PHC2: variants seen among roughly 807,000 people sequenced by gnomAD.
The protein encoded by PHC2 is polyhomeotic-like protein 2.
In PHC2, 29 loss-of-function variants were observed where a neutral mutation model predicts 87.4. The ratio of observed to expected loss-of-function variants is 0.33; its 90% CI spans 0.25 to 0.45. PHC2 has a LOEUF of 0.45. Among genes scored for constraint, PHC2 ranks in the 20% least tolerant of loss-of-function variants. The pLI, the probability that PHC2 is intolerant of heterozygous loss-of-function variation, is 1.00. For missense variants in PHC2, 857 were observed against 1,136.7 expected, an observed-to-expected ratio of 0.75 and a Z score of 3.54; for synonymous variants, 438 against 461.7, an observed-to-expected ratio of 0.95 and a Z score of 0.66.
Position 33,431,081 on chromosome 1 carries a change from A to G in PHC2, c.-160T>C, listed in dbSNP as rs932570509. The G allele has an allele frequency of 6.6e-5, 10 of 151,928 alleles. No individual in the cohort carries two copies. The highest frequency in any genetic ancestry group is 9.7e-5 in the African/African-American group (4 of 41,404). 9.4% of individuals were successfully genotyped at this position (151,928 alleles called of 1,614,324 possible). On this transcript the variant is annotated 5_prime_UTR_variant, in exon 1 of 15. Transcript: ENST00000683057. ...GCCGCGCACCCTGCTGGCTGCTCGG[A>G]CGCTGCCCGCGGAGGAGGGGCGAGG... is the stretch of plus-strand genomic sequence containing the variant.
At chr1:33,385,799 ATTT>A (rs71006398) in intron 1 of PHC2, among the ~76,000 whole-genome samples, 1 of 148,114 alleles carries the variant, frequency 6.8e-6, no homozygotes. Context: ...CAGAATAAAA[ATTT>A]TTTTTTTTTT....
At chr1:33,335,911 G>A (rs553154192) in intron 9 of PHC2, among the ~76,000 whole-genome samples, 1 of 151,894 alleles carries the variant, frequency 6.6e-6, no homozygotes, top group Non-Finnish European at 1.5e-5. Flanking sequence ...GGGGGGGAGG[G>A]GGGGAAAGAA....
At chr1:33,389,556 T>G (rs1325466502) in intron 1 of PHC2, among the ~76,000 whole-genome samples, 5 of 152,142 alleles carry the variant, frequency 3.3e-5, no homozygotes, top group African/African-American at 1.2e-4. Flanking sequence ...CCTGGCAACT[T>G]GTCCTGGCAG....
chr1:33,386,391 C>G (rs929163434), intron 1 of PHC2, among the ~76,000 whole-genome samples: 2 of 151,704 alleles, frequency 1.3e-5, no homozygotes, highest in African/African-American at 4.8e-5. Flanking sequence ...TAGTGGGCGC[C>G]TATAATCATC....
chr1:33,426,434 G>A lies in PHC2; in HGVS notation c.-55+4542C>T, dbSNP rs142371756. 1.4e-4 allele frequency among the ~76,000 whole-genome samples: 22 copies of A among 152,250 alleles called. No individual in the cohort carries two copies. The East Asian group carries it at 2.5e-3, about 17-fold the overall frequency. On this transcript the variant is annotated intron_variant, in intron 1 of 14. Transcript: ENST00000683057. ...TCCACTCCAATTTCTGTTTCAGTACGTTGAAAAATGGTCTCCATATCTTCC... is the reference window on the plus strand; with the variant it reads ...TCCACTCCAATTTCTGTTTCAGTACATTGAAAAATGGTCTCCATATCTTCC...
chr1:33,358,182 T>C (rs1230378507), intron 7 of PHC2, among the ~76,000 whole-genome samples: 1 of 152,124 alleles, frequency 6.6e-6, no homozygotes. Flanking sequence ...AGGTTCTAAA[T>C]CTCTACAGCA....
intron 1 of PHC2, among the ~76,000 whole-genome samples, chr1:33,390,538 C>G (rs1338093045): frequency 1.3e-5 from 2 of 152,188 alleles, no homozygotes; most frequent in African/African-American, 4.8e-5. Context: ...CCACCACCAT[C>G]CGCCCCTTCC....
chr1:33,364,390 TCACA>T lies in PHC2; in HGVS notation c.976+2722_976+2725del, dbSNP rs34468965. Reference sequence around the variant, plus strand: ...CACACACACACACACACACTTGCTTTCACACACACACACACACACACACACACAC... The same window carrying T: ...CACACACACACACACACACTTGCTTTCACACACACACACACACACACACAC... On this transcript the variant is annotated intron_variant, in intron 7 of 14. Transcript: ENST00000683057. The surrounding 1 kb of genome is among the most constrained non-coding windows in gnomAD (Gnocchi z 4.1). Among the ~76,000 whole-genome samples, 2,074 of 106,760 alleles carry T rather than the reference TCACA, an allele frequency of 0.019. 29 individuals carry two copies. The highest frequency in any genetic ancestry group is 0.032 in the South Asian group (98 of 3,054). The allele number at this position is 106,760 out of a possible 152,430, so 70.0% of individuals were successfully genotyped here. A position where few individuals can be genotyped will look rare whatever the true frequency, so the allele number is the denominator to read the frequency against.
chr1:33,414,958 G>T (rs1293227701), intron 1 of PHC2, among the ~76,000 whole-genome samples: 1 of 152,160 alleles, frequency 6.6e-6, no homozygotes, highest in African/African-American at 2.4e-5. Flanking sequence ...AAAAAAATTG[G>T]ACTAAATATA....
intron 1 of PHC2, among the ~76,000 whole-genome samples, chr1:33,386,293 G>A (rs1648744623): frequency 6.6e-6 from 1 of 151,306 alleles, no homozygotes; most frequent in African/African-American, 2.4e-5. Flanking sequence ...CAAGGCTGGT[G>A]GATCACAAGG....
chr1:33,428,464 C>G lies in PHC2; in HGVS notation c.-55+2512G>C, dbSNP rs537579706. ...AAACAGGAAATTTGCCAAAAACTCA[C>G]CATAATCCATTCTAAAAATAAATGT... On this transcript the variant is annotated intron_variant, in intron 1 of 14. Coordinates refer to ENST00000683057, the MANE Select transcript of PHC2 (RefSeq NM_001385109.1). Among the ~76,000 whole-genome samples the G allele has an allele frequency of 7.9e-5, 12 of 152,280 alleles. No individual in the cohort carries two copies. The East Asian group carries it at 2.3e-3, about 29-fold the overall frequency.
At chr1:33,429,048 T>C (rs55798146) in intron 1 of PHC2, among the ~76,000 whole-genome samples, 15,255 of 152,282 alleles carry the variant, frequency 0.1, 1,057 homozygotes, top group East Asian at 0.28. Context: ...CAGCATTGCT[T>C]CCCTAGTTAT....
chr1:33,371,472 C>A (rs1337171542), intron 3 of PHC2, among the ~76,000 whole-genome samples: 3 of 152,042 alleles, frequency 2.0e-5, no homozygotes. Context: ...CCAGCCACCA[C>A]CATCACACCT....
intron 9 of PHC2, among the ~76,000 whole-genome samples, chr1:33,353,054 A>C (rs1647002967): frequency 1.3e-5 from 2 of 152,236 alleles, no homozygotes; most frequent in South Asian, 4.1e-4. Flanking sequence ...TCTAAAGACT[A>C]GTAGCTGTTT....
chr1:33,397,874 T>C (rs963001803), intron 1 of PHC2, among the ~76,000 whole-genome samples: 1 of 152,116 alleles, frequency 6.6e-6, no homozygotes, highest in African/African-American at 2.4e-5. Context: ...CAGATAAGGA[T>C]ACACAAGAAA....
At chr1:33,348,722 G>T (rs1326284536) in intron 9 of PHC2, among the ~76,000 whole-genome samples, 1 of 152,176 alleles carries the variant, frequency 6.6e-6, no homozygotes, top group Non-Finnish European at 1.5e-5. Context: ...TCATTGATTT[G>T]TAAGGGAAGA....
intron 1 of PHC2, among the ~76,000 whole-genome samples, chr1:33,413,944 T>G (rs1650089217): frequency 1.3e-5 from 2 of 152,292 alleles, no homozygotes; most frequent in East Asian, 3.9e-4. Flanking sequence ...TGAGTTATGG[T>G]GCTACTGAGG....
intron 9 of PHC2, among the ~76,000 whole-genome samples, chr1:33,340,616 G>T (rs554788601): frequency 6.6e-6 from 1 of 152,304 alleles, no homozygotes; most frequent in Admixed American, 6.5e-5. Context: ...GGCCCCCAAA[G>T]AAATTAATGC....
intron 1 of PHC2, among the ~76,000 whole-genome samples, chr1:33,405,442 C>T (rs1412534099): frequency 6.6e-6 from 1 of 152,134 alleles, no homozygotes; most frequent in Non-Finnish European, 1.5e-5. Context: ...CCACCCACCT[C>T]AGCTTCCCAA....
Sources: gnomAD v4.1 joint callset for allele counts (sites outside exome capture counted in the v4.1 genomes callset) on GRCh38, gnomAD v4.1.1 for gene constraint, Gnocchi (gnomAD v3.1) non-coding constraint, MANE v1.5 for transcripts, NCBI Gene and HGNC (gene_info 2026-07-23, HGNC 2026-07-21) for gene names.